Variants in OR1J2 observed in about 807,000 individuals in gnomAD.
The protein encoded by OR1J2 is olfactory receptor family 1 subfamily J member 2.
For missense variants in OR1J2, 304 were observed against 246.1 expected, an observed-to-expected ratio of 1.24 and a Z score of -1.57; for synonymous variants, 142 against 99.7, an observed-to-expected ratio of 1.42 and a Z score of -2.52.
At chr9:122,505,994 C>T (rs1828518720), upstream of OR1J2, among the ~76,000 whole-genome samples, 1 of 152,130 alleles carries the variant, frequency 6.6e-6, no homozygotes, top group Non-Finnish European at 1.5e-5. Flanking sequence ...CCTCTTTCTC[C>T]TTCTGTATTT....
chr9:122,450,979 C>CATTCTATA, the OR1J2 span, among the ~76,000 whole-genome samples: 1 of 151,992 alleles, frequency 6.6e-6, no homozygotes, highest in Non-Finnish European at 1.5e-5. Context: ...ACATTTTATG[C>CATTCTATA]ACAAAAATAC....
At chr9:122,519,299 T>A in the OR1J2 span, 1 of 1,614,094 alleles carries the variant, frequency 6.2e-7, no homozygotes, top group Non-Finnish European at 8.5e-7. Context: ...GGCTGGACTC[T>A]CACCTTCACA....
chr9:122,517,186 T>C, the OR1J2 span, among the ~76,000 whole-genome samples: 1 of 152,166 alleles, frequency 6.6e-6, no homozygotes, highest in Admixed American at 6.5e-5. Context: ...AGATATGAAG[T>C]GATGTTGCCA....
the OR1J2 span, chr9:122,477,888 G>C: frequency 6.2e-7 from 1 of 1,611,228 alleles, no homozygotes; most frequent in South Asian, 1.1e-5. Context: ...GGCCCAGGAG[G>C]AGGAACTCGG....
the OR1J2 span, among the ~76,000 whole-genome samples, chr9:122,452,109 A>G: frequency 3.0e-4 from 46 of 152,104 alleles, 1 homozygote; most frequent in African/African-American, 1.1e-3. Context: ...TGATTTCCTG[A>G]CCTTGTGATC....
the OR1J2 span, chr9:122,554,250 T>C: frequency 1.9e-6 from 2 of 1,034,490 alleles, no homozygotes; most frequent in African/African-American, 3.2e-5. Context: ...CATGTTGATA[T>C]TAGGGGAAGG....
chr9:122,557,463 T>C, the OR1J2 span, among the ~76,000 whole-genome samples: 1 of 152,110 alleles, frequency 6.6e-6, no homozygotes, highest in Admixed American at 6.5e-5. Flanking sequence ...TCTATTTATA[T>C]TATTATGTAG....
At chr9:122,541,185 C>G in the OR1J2 span, among the ~76,000 whole-genome samples, 1 of 152,182 alleles carries the variant, frequency 6.6e-6, no homozygotes, top group African/African-American at 2.4e-5. Context: ...ATAAAGTCTT[C>G]CTTGCCTGTT....
the OR1J2 span, among the ~76,000 whole-genome samples, chr9:122,544,561 C>G: frequency 6.6e-6 from 1 of 152,012 alleles, no homozygotes; most frequent in Admixed American, 6.6e-5. Context: ...GCTGGGATTA[C>G]AGGCATGTGC....
the OR1J2 span, among the ~76,000 whole-genome samples, chr9:122,486,624 G>A: frequency 6.6e-6 from 1 of 152,114 alleles, no homozygotes; most frequent in Non-Finnish European, 1.5e-5. Flanking sequence ...AATAATATAG[G>A]CCAGCTGCTG....
the OR1J2 span, among the ~76,000 whole-genome samples, chr9:122,493,167 T>C: frequency 6.6e-6 from 1 of 152,124 alleles, no homozygotes; most frequent in Non-Finnish European, 1.5e-5. Context: ...ATAGTTTTCT[T>C]TTTTTGTTAT....
chr9:122,485,044 A>G, the OR1J2 span, among the ~76,000 whole-genome samples: 1 of 152,106 alleles, frequency 6.6e-6, no homozygotes, highest in East Asian at 1.9e-4. Context: ...AACACAAAAA[A>G]CAGTGTGCAG....
At chr9:122,509,481 G>A (rs1356035586), upstream of OR1J2, among the ~76,000 whole-genome samples, 1 of 152,204 alleles carries the variant, frequency 6.6e-6, no homozygotes, top group Admixed American at 6.5e-5. Flanking sequence ...ACTGCTTTGT[G>A]TTGACAGTAA....
At chr9:122,481,775 T>A in the OR1J2 span, among the ~76,000 whole-genome samples, 586 of 152,270 alleles carry the variant, frequency 3.8e-3, 2 homozygotes, top group African/African-American at 0.014. Context: ...GATAGTCTCT[T>A]CAATAAATGG....
At chr9:122,523,000 A>G in the OR1J2 span, among the ~76,000 whole-genome samples, 2 of 152,198 alleles carry the variant, frequency 1.3e-5, no homozygotes, top group East Asian at 3.8e-4. Flanking sequence ...CACTGTTACT[A>G]TCTATATTTT....
the OR1J2 span, chr9:122,553,889 G>A: frequency 6.2e-7 from 1 of 1,613,956 alleles, no homozygotes; most frequent in Non-Finnish European, 8.5e-7. Flanking sequence ...GCATTTTCTG[G>A]GCTGTGTTTG....
At chr9:122,455,006 A>C in the OR1J2 span, among the ~76,000 whole-genome samples, 1 of 152,338 alleles carries the variant, frequency 6.6e-6, no homozygotes, top group East Asian at 1.9e-4. Context: ...TTCACTTTAC[A>C]TAATGTTTTC....
upstream of OR1J2, among the ~76,000 whole-genome samples, chr9:122,506,615 A>G (rs1376833868): frequency 2.0e-5 from 3 of 152,118 alleles, no homozygotes; most frequent in African/African-American, 7.2e-5. Flanking sequence ...AGCACTGGAG[A>G]TGGAATGGGT....
At chr9:122,516,920 A>G in the OR1J2 span, among the ~76,000 whole-genome samples, 1,422 of 152,246 alleles carry the variant, frequency 9.3e-3, 21 homozygotes, top group African/African-American at 0.033. Context: ...GCCTTGTGGC[A>G]CCTGAACTCT....
Sources: gnomAD v4.1 joint callset for allele counts (sites outside exome capture counted in the v4.1 genomes callset) on GRCh38, gnomAD v4.1.1 for gene constraint, MANE v1.5 for transcripts, NCBI Gene and HGNC (gene_info 2026-07-23, HGNC 2026-07-21) for gene names.